Variants in RAD51C observed in about 807,000 individuals in gnomAD.
The protein encoded by RAD51C is RAD51 paralog C, also known as DNA repair protein RAD51 homolog 3.
In RAD51C, 42 loss-of-function variants were observed where a neutral mutation model predicts 45.0. The observed-to-expected ratio is 0.93, with a 90% CI of 0.73 to 1.21. RAD51C has a LOEUF of 1.21. Among genes scored for constraint, RAD51C ranks in the 50% most tolerant of loss-of-function variants. The pLI is 0.00. For missense variants in RAD51C, 474 were observed against 452.2 expected, an observed-to-expected ratio of 1.05 and a Z score of -0.44; for synonymous variants, 172 against 159.8, an observed-to-expected ratio of 1.08 and a Z score of -0.58.
intron 1 of RAD51C, chr17:58,693,365 G>C (rs1476243219): frequency 6.2e-6 from 1 of 160,344 alleles, no homozygotes; most frequent in African/African-American, 2.4e-5. Flanking sequence ...TTGCAGATGG[G>C]AACCACTGCA....
chr17:58,722,376 C>A (rs1447809621), intron 6 of RAD51C, among the ~76,000 whole-genome samples: 1 of 152,150 alleles, frequency 6.6e-6, no homozygotes, highest in Non-Finnish European at 1.5e-5. Flanking sequence ...TATGTCTGTG[C>A]TCTTCAGTAC....
intron 3 of RAD51C, among the ~76,000 whole-genome samples, chr17:58,700,810 T>C (rs2048187956): frequency 6.6e-6 from 1 of 152,242 alleles, no homozygotes; most frequent in African/African-American, 2.4e-5. Context: ...CTGCTAAGTG[T>C]CTATTTGCAA....
In RAD51C at chr17:58,696,868, G is replaced by A. The variant is rs776730538; in HGVS notation, c.571+9G>A. The A allele has an allele frequency of 1.2e-6, 2 of 1,613,720 alleles. No homozygotes were observed. Among genetic ancestry groups the A allele is most frequent in the Non-Finnish European group, 8.5e-7 (1 of 1,179,608 alleles). ...AAAACACAAGGGAGAGGGTAAGTTA[G>A]TAAATGATCTTCTTTTTTTCTGTAT... On this transcript the variant is annotated intron_variant, in intron 3 of 8. Coordinates refer to ENST00000337432, the MANE Select transcript of RAD51C (RefSeq NM_058216.3).
intron 3 of RAD51C, among the ~76,000 whole-genome samples, chr17:58,702,902 G>A (rs879683239): frequency 5.9e-5 from 9 of 151,988 alleles, no homozygotes; most frequent in African/African-American, 1.2e-4. Flanking sequence ...GGGCGGCGAC[G>A]GATAGCATTA....
At position 58,694,923 on chromosome 17, in the gene RAD51C, A is replaced by G. The variant is rs201079501; in HGVS notation, c.146-8A>G. On this transcript the variant is annotated splice_region_variant and splice_polypyrimidine_tract_variant and intron_variant, in intron 1 of 8. Coordinates refer to ENST00000337432, the MANE Select transcript of RAD51C (RefSeq NM_058216.3). ...ATTAGGGTTCTTTTTTTCTTATTTTACTTTCAGAAGTTGGGATATCTAAAG... is the reference window on the plus strand; with the variant it reads ...ATTAGGGTTCTTTTTTTCTTATTTTGCTTTCAGAAGTTGGGATATCTAAAG... 7.3e-4 allele frequency: 1,168 copies of G among 1,606,366 alleles called. 14 individuals carry two copies. The highest frequency in any genetic ancestry group is 1.7e-4 in the Middle Eastern group (1 of 6,044).
intron 4 of RAD51C, chr17:58,706,486 C>A: frequency 2.4e-6 from 1 of 416,264 alleles, no homozygotes; most frequent in South Asian, 1.8e-5. Context: ...CTCTGCCTTC[C>A]AGGCCCACTG....
chr17:58,721,891 G>A (rs1598506119), intron 6 of RAD51C, among the ~76,000 whole-genome samples: 1 of 152,088 alleles, frequency 6.6e-6, no homozygotes, highest in East Asian at 1.9e-4. Flanking sequence ...TTCTAACCTG[G>A]CCCAGGTGAG....
chr17:58,712,321 GGC>G (rs2048582739), intron 5 of RAD51C, among the ~76,000 whole-genome samples: 2 of 143,972 alleles, frequency 1.4e-5, no homozygotes, highest in South Asian at 4.4e-4. Context: ...CTCCATCCTG[GGC>G]GAGAGAGCAA....
At chr17:58,715,305 T>A (rs964077847) in intron 5 of RAD51C, among the ~76,000 whole-genome samples, 27 of 140,204 alleles carry the variant, frequency 1.9e-4, no homozygotes, top group South Asian at 8.7e-4. Flanking sequence ...TACAAAAAAA[T>A]TAGCCAGTTG....
intron 7 of RAD51C, among the ~76,000 whole-genome samples, chr17:58,728,587 G>A (rs2049268398): frequency 6.6e-6 from 1 of 151,592 alleles, no homozygotes; most frequent in Admixed American, 6.6e-5. Flanking sequence ...TTGTAGAGAT[G>A]GGGTTTTGCC....
chr17:58,714,459 T>G (rs2048662337), intron 5 of RAD51C, among the ~76,000 whole-genome samples: 1 of 152,106 alleles, frequency 6.6e-6, no homozygotes, highest in Admixed American at 6.5e-5. Flanking sequence ...AGTCTTTTAT[T>G]TATTTATTTA....
At position 58,703,288 on chromosome 17, in the gene RAD51C, C is replaced by G. The variant is rs2048273755; in HGVS notation, c.664C>G (p.Gln222Glu). The G allele has an allele frequency of 1.9e-6, 3 of 1,611,176 alleles. No individual in the cohort carries two copies. The highest frequency in any genetic ancestry group is 2.5e-6 in the Non-Finnish European group (3 of 1,177,658). ...TCGTGACTACACAGAGTTACTGGCA[C>G]AAGTTTATCTTCTTCCAGATTTCCT... The part of the protein sequence containing the change: ...RCRDYTELLA[Q>E]VYLLPDFLSE... Residue 222 changes from glutamine to glutamate, a missense_variant, in exon 4 of 9, where the codon CAA becomes GAA. Transcript: ENST00000337432.
intron 6 of RAD51C, among the ~76,000 whole-genome samples, chr17:58,723,209 A>G (rs553905672): frequency 1.1e-4 from 17 of 152,004 alleles, no homozygotes; most frequent in African/African-American, 3.6e-4. Context: ...CATCATCTCT[A>G]CCTCACAAAT....
At chr17:58,709,092 C>CTTTT (rs34570887) in intron 4 of RAD51C, among the ~76,000 whole-genome samples, 2 of 117,054 alleles carry the variant, frequency 1.7e-5, no homozygotes, top group Non-Finnish European at 1.7e-5. Flanking sequence ...TTTTGAATTA[C>CTTTT]TTTTTTTTTT....
At chr17:58,732,325 G>T in intron 7 of RAD51C, 159 bp from the exon 8 acceptor site, 2 of 631,902 alleles carry the variant, frequency 3.2e-6, no homozygotes, top group Non-Finnish European at 5.4e-6. Context: ...TAATTTGAAG[G>T]GTGTATTTTT....
At position 58,695,155 on chromosome 17, in the gene RAD51C, T is replaced by A. The variant is rs1273995533; in HGVS notation, c.370T>A (p.Cys124Ser). ...GCCCTTAATGAAAACAACAGAAATT[T>A]GTGGTGCACCAGGTGTTGGAAAAAC... The part of the protein sequence containing the change: ...GVPLMKTTEI[C>S]GAPGVGKTQL... The change falls in exon 2 of 9, where the codon TGT becomes AGT. Residue 124 changes from cysteine to serine, a missense_variant. By Grantham distance (112) the Cys-to-Ser change is moderately radical. Transcript: ENST00000337432. 3 of 1,613,628 alleles carry A rather than the reference T, an allele frequency of 1.9e-6. No homozygotes were observed. In the Admixed American group the frequency reaches 5.0e-5, roughly 27 times the overall value.
chr17:58,715,111 A>T (rs550222646), intron 5 of RAD51C, among the ~76,000 whole-genome samples: 1 of 151,594 alleles, frequency 6.6e-6, no homozygotes, highest in Non-Finnish European at 1.5e-5. Flanking sequence ...GTTCTGGGAA[A>T]CACACAGTTC....
intron 3 of RAD51C, among the ~76,000 whole-genome samples, chr17:58,697,335 A>G (rs921904114): frequency 6.6e-6 from 1 of 152,178 alleles, no homozygotes; most frequent in African/African-American, 2.4e-5. Flanking sequence ...CAGGAGTTCA[A>G]GACCAGCCTG....
chr17:58,695,069 A>G lies in RAD51C; in HGVS notation c.284A>G (p.His95Arg). The change falls in exon 2 of 9, where the codon CAT becomes CGT. Residue 95 changes from histidine to arginine, a missense_variant. His to Arg is a conservative substitution (Grantham distance 29). Transcript: ENST00000337432. The part of the protein sequence containing the change: ...CTALELLEQE[H>R]TQGFIITFCS... ...GCACTGGAACTTCTTGAGCAGGAGC[A>G]TACCCAGGGCTTCATAATCACCTTC... The G allele has an allele frequency of 1.9e-6, 3 of 1,614,154 alleles. No individual in the cohort carries two copies. The highest frequency in any genetic ancestry group is 2.5e-6 in the Non-Finnish European group (3 of 1,180,034).
Sources: gnomAD v4.1 joint callset for allele counts (sites outside exome capture counted in the v4.1 genomes callset) on GRCh38, gnomAD v4.1.1 for gene constraint, MANE v1.5 for transcripts, NCBI Gene and HGNC (gene_info 2026-07-23, HGNC 2026-07-21) for gene names.